DCLK3: variants seen among roughly 807,000 people sequenced by gnomAD.
The protein encoded by DCLK3 is doublecortin like kinase 3.
In DCLK3, 30 loss-of-function variants were observed where a neutral mutation model predicts 46.4. The ratio of observed to expected loss-of-function variants is 0.65; its 90% CI spans 0.48 to 0.88. The LOEUF (loss-of-function observed/expected upper bound fraction) is 0.88, where lower values mean the gene tolerates loss of function less well. Among genes scored for constraint, DCLK3 ranks in the 40% least tolerant of loss-of-function variants. The pLI is 0.00. For missense variants in DCLK3, 846 were observed against 907.1 expected, an observed-to-expected ratio of 0.93 and a Z score of 0.87; for synonymous variants, 401 against 339.2, an observed-to-expected ratio of 1.18 and a Z score of -2.00.
chr3:36,761,121 C>A (rs1211788435), intron 1 of DCLK3, among the ~76,000 whole-genome samples: 1 of 152,186 alleles, frequency 6.6e-6, no homozygotes, highest in Non-Finnish European at 1.5e-5. Flanking sequence ...TTCATGCAGC[C>A]ACTGATCTGG....
chr3:36,743,744 G>A (rs1701369349), intron 1 of DCLK3, among the ~76,000 whole-genome samples: 1 of 151,994 alleles, frequency 6.6e-6, no homozygotes, highest in African/African-American at 2.4e-5. Flanking sequence ...CCATCCATCT[G>A]CTCAATAACC....
intron 1 of DCLK3, among the ~76,000 whole-genome samples, chr3:36,741,013 A>G (rs1028293842): frequency 2.0e-5 from 3 of 152,196 alleles, no homozygotes; most frequent in Non-Finnish European, 4.4e-5. Flanking sequence ...AGTGGCTGAT[A>G]CTGATCTTCC....
intron 2 of DCLK3, 38 bp from the exon 3 acceptor site, chr3:36,721,697 G>C (rs375010898): frequency 6.2e-7 from 1 of 1,613,592 alleles, no homozygotes; most frequent in Middle Eastern, 1.6e-4. Flanking sequence ...CCAAAATTGT[G>C]ATTAGAACAA....
chr3:36,729,260 G>T (rs1244878082), intron 2 of DCLK3, among the ~76,000 whole-genome samples: 3 of 138,378 alleles, frequency 2.2e-5, no homozygotes, highest in East Asian at 4.5e-4. Context: ...GGGGGGGGGG[G>T]TACAAAAGCC....
Position 36,715,424 on chromosome 3 carries a change from G to T in DCLK3, c.2358C>A (p.Gly786=), listed in dbSNP as rs906604705. 1 of 1,613,874 alleles carries T rather than the reference G, an allele frequency of 6.2e-7. No individual in the cohort carries two copies. Among genetic ancestry groups the T allele is most frequent in the Non-Finnish European group, 8.5e-7 (1 of 1,179,906 alleles). The change falls in exon 5 of 5, where the codon GGC becomes GGA. Residue 786 remains glycine (G), a synonymous_variant. Transcript: ENST00000636136. ...TCTGTCGTTTCACTGTATTGGTCTT[G>T]CCAGCTGTTTCGATCCAGGGGTGCT... ...VLQHPWIETA[G]KTNTVKRQKQ...
intron 1 of DCLK3, among the ~76,000 whole-genome samples, chr3:36,750,574 A>G (rs908471014): frequency 2.0e-5 from 3 of 152,222 alleles, no homozygotes; most frequent in Admixed American, 2.0e-4. Context: ...TGAAATATGC[A>G]TCTTTTGTAA....
chr3:36,725,027 A>T (rs535088959), intron 2 of DCLK3, among the ~76,000 whole-genome samples: 1 of 151,878 alleles, frequency 6.6e-6, no homozygotes, highest in African/African-American at 2.4e-5. Context: ...AAAAAAAAAA[A>T]AAATGGGCCG....
chr3:36,736,885 T>C (rs573012521), intron 2 of DCLK3, among the ~76,000 whole-genome samples: 102 of 152,316 alleles, frequency 6.7e-4, no homozygotes, highest in Non-Finnish European at 1.3e-3. Context: ...CTGCCATCAG[T>C]AGGCATCCCA....
chr3:36,726,904 G>C (rs1295334638), intron 2 of DCLK3, among the ~76,000 whole-genome samples: 2 of 152,206 alleles, frequency 1.3e-5, no homozygotes, highest in Non-Finnish European at 2.9e-5. Context: ...AAAATGACCA[G>C]ATGGATCATA....
intron 2 of DCLK3, among the ~76,000 whole-genome samples, chr3:36,726,299 T>C (rs1436252823): frequency 6.6e-6 from 1 of 152,064 alleles, no homozygotes; most frequent in East Asian, 1.9e-4. Context: ...AGAAGCTGAT[T>C]GCTCAGACCA....
intron 2 of DCLK3, chr3:36,729,785 T>G (rs1189389229): frequency 6.6e-6 from 1 of 152,238 alleles, no homozygotes; most frequent in Non-Finnish European, 1.5e-5. Flanking sequence ...CCAAGGTCCA[T>G]TTTCAACTGG....
chr3:36,731,640 T>C (rs1701200270), intron 2 of DCLK3, among the ~76,000 whole-genome samples: 1 of 152,172 alleles, frequency 6.6e-6, no homozygotes, highest in South Asian at 2.1e-4. Context: ...TAAACATCTG[T>C]TACCCTTGAG....
At position 36,714,210 on chromosome 3, in the gene DCLK3, C is replaced by T. The variant is rs995185624; in HGVS notation, c.*1118G>A. On this transcript the variant is annotated 3_prime_UTR_variant, in exon 5 of 5. Coordinates refer to ENST00000636136, the MANE Select transcript of DCLK3 (RefSeq NM_001394672.2). ...ATTCCTTATGTTGAATTCTCTAGTACTATTCCGGTTTTCCTAACTAACACA... is the reference window on the plus strand; with the variant it reads ...ATTCCTTATGTTGAATTCTCTAGTATTATTCCGGTTTTCCTAACTAACACA... 6.6e-6 allele frequency: 1 copy of T among 152,220 alleles called. No homozygotes were observed. Among genetic ancestry groups the T allele is most frequent in the Admixed American group, 6.5e-5 (1 of 15,278 alleles). 9.4% of individuals were successfully genotyped at this position (152,220 alleles called of 1,614,324 possible).
At chr3:36,763,994 A>G (rs1261840480) in intron 1 of DCLK3, among the ~76,000 whole-genome samples, 188 bp downstream of exon 1, 1 of 152,080 alleles carries the variant, frequency 6.6e-6, no homozygotes, top group Non-Finnish European at 1.5e-5. Flanking sequence ...GCGCGTTTAC[A>G]CACACGTACA....
At chr3:36,763,470 T>C (rs1039342336) in intron 1 of DCLK3, among the ~76,000 whole-genome samples, 5 of 152,264 alleles carry the variant, frequency 3.3e-5, no homozygotes, top group African/African-American at 4.8e-5. Context: ...TATTTGAAAT[T>C]AATTGATAGG....
Position 36,718,102 on chromosome 3 carries a change from C to T in DCLK3, c.2168G>A (p.Arg723His), listed in dbSNP as rs1004014654. The change falls in exon 4 of 5, where the codon CGC (arginine) becomes CAC (histidine). Residue 723 changes from arginine (R) to histidine (H), a missense_variant. By Grantham distance (29) the Arg-to-His change is conservative. This residue lies in a region of DCLK3 where 247 missense variants were observed against 322.8 expected (regional missense o/e 0.77). Transcript: ENST00000636136. ...YILLCGFPPF[R>H]SPERDQDELF... is the part of the protein sequence containing the mutation. ...CTCGTCCTGGTCCCTCTCAGGGCTG[C>T]GGAATGGGGGAAAGCCACACAGCAG... 12 of 1,614,144 alleles carry T rather than the reference C, an allele frequency of 7.4e-6. No individual in the cohort carries two copies. The highest frequency in any genetic ancestry group is 9.3e-6 in the Non-Finnish European group (11 of 1,180,018).
At chr3:36,754,388 A>G (rs1701468670) in intron 1 of DCLK3, among the ~76,000 whole-genome samples, 1 of 152,240 alleles carries the variant, frequency 6.6e-6, no homozygotes, top group Non-Finnish European at 1.5e-5. Flanking sequence ...AACACAAGGT[A>G]AGACCCCTGT....
chr3:36,732,597 CT>C (rs796896727), intron 2 of DCLK3, among the ~76,000 whole-genome samples: 6 of 152,262 alleles, frequency 3.9e-5, no homozygotes, highest in African/African-American at 1.4e-4. Flanking sequence ...TGTCACTGTA[CT>C]TTTTCTTTGG....
intron 1 of DCLK3, among the ~76,000 whole-genome samples, chr3:36,742,614 ACTT>A (rs1701354386): frequency 2.0e-5 from 3 of 152,218 alleles, no homozygotes; most frequent in Non-Finnish European, 2.9e-5. Flanking sequence ...CTGAAATTGC[ACTT>A]CTTCTAGCTA....
Sources: gnomAD v4.1 joint callset for allele counts (sites outside exome capture counted in the v4.1 genomes callset) on GRCh38, gnomAD v4.1.1 for gene constraint, gnomAD v4.1.1 regional missense constraint, MANE v1.5 for transcripts, NCBI Gene and HGNC (gene_info 2026-07-23, HGNC 2026-07-21) for gene names.